CDC73: variants seen among roughly 807,000 people sequenced by gnomAD.
CDC73 encodes parafibromin.
A neutral mutation model predicts 83.7 loss-of-function variants in CDC73; 21 were observed. The ratio of observed to expected loss-of-function variants is 0.25; its 90% CI spans 0.18 to 0.36. The LOEUF (loss-of-function observed/expected upper bound fraction) is 0.36, where lower values mean the gene tolerates loss of function less well. CDC73 is among the 10% of genes least tolerant of loss of function. The probability of loss-of-function intolerance (pLI) is 1.00; values close to 1 mark genes in which losing one functional copy is unlikely to be tolerated. For missense variants in CDC73, 342 were observed against 653.3 expected, an observed-to-expected ratio of 0.52 and a Z score of 5.19; for synonymous variants, 224 against 212.9, an observed-to-expected ratio of 1.05 and a Z score of -0.45.
rs1343794605 is a variant in CDC73 at position 193,253,277 on chromosome 1, A to G, written c.*2565A>G. 1 of 232,274 alleles carries G rather than the reference A, an allele frequency of 4.3e-6. No homozygotes were observed. The highest frequency in any genetic ancestry group is 6.1e-5 in the East Asian group (1 of 16,420). The allele number at this position is 232,274 out of a possible 1,614,324, so 14.4% of individuals were successfully genotyped here. A position where few individuals can be genotyped will look rare whatever the true frequency, so the allele number is the denominator to read the frequency against. On this transcript the variant is annotated 3_prime_UTR_variant, in exon 17 of 17. Transcript: ENST00000367435. ...AGACCTGGTCATCAGTATTTTTTTT[A>G]AAGTTCTCCAGGTAATTTGAATGTG...
intron 2 of CDC73, among the ~76,000 whole-genome samples, chr1:193,126,008 C>G (rs1675564804): frequency 1.3e-5 from 2 of 152,082 alleles, no homozygotes; most frequent in South Asian, 4.1e-4. Context: ...CGCTGGTAAT[C>G]CCAGCTACTT....
intron 10 of CDC73, among the ~76,000 whole-genome samples, chr1:193,197,380 A>G (rs1446245223): frequency 1.3e-5 from 2 of 152,232 alleles, no homozygotes; most frequent in African/African-American, 4.8e-5. Flanking sequence ...AGAGTGTTAA[A>G]AGAAAATTGT....
At chr1:193,206,002 G>A (rs1303861007) in intron 11 of CDC73, among the ~76,000 whole-genome samples, 1 of 152,124 alleles carries the variant, frequency 6.6e-6, no homozygotes, top group Admixed American at 6.5e-5. Context: ...ACCACCTGAG[G>A]ATTGTAACTT....
intron 13 of CDC73, among the ~76,000 whole-genome samples, chr1:193,229,412 C>G (rs2102054667): frequency 6.6e-6 from 1 of 152,350 alleles, no homozygotes. Context: ...CATAAGGGCT[C>G]TGCCCTCACA....
chr1:193,229,014 T>G (rs1413729474), intron 13 of CDC73, among the ~76,000 whole-genome samples: 1 of 152,182 alleles, frequency 6.6e-6, no homozygotes, highest in Non-Finnish European at 1.5e-5. Context: ...AAAAAAATTC[T>G]CAGTATCATC....
At chr1:193,144,660 T>A (rs1379550265) in intron 7 of CDC73, among the ~76,000 whole-genome samples, 1 of 152,216 alleles carries the variant, frequency 6.6e-6, no homozygotes, top group African/African-American at 2.4e-5. Flanking sequence ...AGTGTGTCTT[T>A]TTATTATTTT....
intron 10 of CDC73, among the ~76,000 whole-genome samples, chr1:193,158,578 A>G (rs1676248793): frequency 6.6e-6 from 1 of 152,018 alleles, no homozygotes; most frequent in Non-Finnish European, 1.5e-5. Context: ...TTACATAATT[A>G]TAAGTAGGAA....
chr1:193,149,384 T>TG (rs1190013744), intron 8 of CDC73, among the ~76,000 whole-genome samples: 1 of 152,130 alleles, frequency 6.6e-6, no homozygotes, highest in Non-Finnish European at 1.5e-5. Flanking sequence ...ATGTTTTTTT[T>TG]TTTTTAAAGT....
At chr1:193,219,793 C>T (rs1677435049) in intron 13 of CDC73, among the ~76,000 whole-genome samples, 1 of 152,062 alleles carries the variant, frequency 6.6e-6, no homozygotes, top group Non-Finnish European at 1.5e-5. Flanking sequence ...TGCATATTAC[C>T]CTGGGTCATG....
chr1:193,220,816 T>A (rs1677456725), intron 13 of CDC73, among the ~76,000 whole-genome samples: 1 of 152,210 alleles, frequency 6.6e-6, no homozygotes, highest in South Asian at 2.1e-4. Context: ...AATTTACAAT[T>A]GTGTGAACAA....
intron 2 of CDC73, among the ~76,000 whole-genome samples, chr1:193,128,928 G>C (rs151098200): frequency 1.3e-5 from 2 of 151,580 alleles, no homozygotes; most frequent in African/African-American, 4.8e-5. Context: ...TTGTGTTTCA[G>C]ACTGGGTCTC....
intron 10 of CDC73, among the ~76,000 whole-genome samples, chr1:193,202,756 C>T (rs1479786649): frequency 6.6e-6 from 1 of 150,948 alleles, no homozygotes; most frequent in African/African-American, 2.4e-5. Flanking sequence ...AGTCTTTTTT[C>T]TCCTGTACTC....
chr1:193,234,356 A>G (rs1276587181), intron 14 of CDC73, among the ~76,000 whole-genome samples: 1 of 72,592 alleles, frequency 1.4e-5, no homozygotes, highest in East Asian at 2.8e-4. Context: ...ATATATATAT[A>G]TTTAAAATTA....
chr1:193,231,360 T>C (rs1364344009), intron 13 of CDC73, among the ~76,000 whole-genome samples: 1 of 152,210 alleles, frequency 6.6e-6, no homozygotes, highest in Non-Finnish European at 1.5e-5. Flanking sequence ...GTTCTGTGTG[T>C]GTGGAACATA....
intron 10 of CDC73, among the ~76,000 whole-genome samples, chr1:193,174,040 G>A (rs1352020110): frequency 4.6e-5 from 7 of 151,930 alleles, no homozygotes; most frequent in African/African-American, 1.5e-4. Flanking sequence ...AGAGATTAAT[G>A]AAAATAAAAT....
chr1:193,181,572 A>C, intron 10 of CDC73: 1 of 1,568,630 alleles, frequency 6.4e-7, no homozygotes, highest in Non-Finnish European at 8.6e-7. Flanking sequence ...TGTTGTAAAT[A>C]TCCAGTAGTG....
chr1:193,212,351 T>A (rs1361996935), intron 12 of CDC73, 39 bp from the exon 13 acceptor site: 1 of 1,202,814 alleles, frequency 8.3e-7, no homozygotes, highest in African/African-American at 1.5e-5. Flanking sequence ...GTATAATTTC[T>A]AATAATATAT....
Position 193,253,086 on chromosome 1 carries a change from TC to T in CDC73, c.*2375del. ...ATGCCCAACCTGTAAAGGAAAAAGTTCTATTTCTATATTTATAGGACATTCT... is the reference window on the plus strand; with the variant it reads ...ATGCCCAACCTGTAAAGGAAAAAGTTTATTTCTATATTTATAGGACATTCT... On this transcript the variant is annotated 3_prime_UTR_variant, in exon 17 of 17. Coordinates refer to ENST00000367435, the MANE Select transcript of CDC73 (RefSeq NM_024529.5). The T allele has an allele frequency of 1.3e-5, 3 of 232,388 alleles. No homozygotes were observed. The highest frequency in any genetic ancestry group is 2.6e-5 in the Non-Finnish European group (3 of 117,470). 14.4% of individuals were successfully genotyped at this position (232,388 alleles called of 1,614,324 possible).
intron 11 of CDC73, among the ~76,000 whole-genome samples, chr1:193,205,237 A>T (rs1677169661): frequency 8.4e-6 from 1 of 118,940 alleles, no homozygotes; most frequent in East Asian, 2.9e-4. Context: ...AGTGCTGTTG[A>T]AAGTGAGTAT....
Sources: allele counts gnomAD v4.1 joint callset (sites outside exome capture counted in the v4.1 genomes callset), GRCh38; gene constraint gnomAD v4.1.1; transcripts MANE v1.5; gene names NCBI Gene and HGNC (gene_info 2026-07-23, HGNC 2026-07-21).